MGMT: variants seen among roughly 807,000 people sequenced by gnomAD.
MGMT encodes methylated-DNA--protein-cysteine methyltransferase.
A neutral mutation model predicts 15.9 loss-of-function variants in MGMT; 14 were observed. The observed-to-expected ratio is 0.88, with a 90% CI of 0.58 to 1.37. The LOEUF is 1.37. MGMT is among the 40% of genes most tolerant of loss of function. The pLI is 0.00. For missense variants in MGMT, 282 were observed against 268.1 expected (o/e 1.05, Z -0.36); for synonymous variants, 130 against 118.2 (o/e 1.10, Z -0.65).
chr10:129,507,535 G>A (rs1845638175), intron 1 of MGMT, among the ~76,000 whole-genome samples: 1 of 152,144 alleles, frequency 6.6e-6, no homozygotes, highest in Admixed American at 6.5e-5. Context: ...CTGCTGAATT[G>A]GGGACAGGGG....
At chr10:129,594,852 A>G (rs1238793714) in intron 2 of MGMT, among the ~76,000 whole-genome samples, 1 of 152,168 alleles carries the variant, frequency 6.6e-6, no homozygotes, top group African/African-American at 2.4e-5. Context: ...CTGACATGTA[A>G]TATTCCCCTG....
intron 1 of MGMT, among the ~76,000 whole-genome samples, chr10:129,492,832 C>G (rs1453314727): frequency 6.6e-6 from 1 of 152,180 alleles, no homozygotes; most frequent in Non-Finnish European, 1.5e-5. Context: ...TGGGCTGCCT[C>G]CATTAGTTCG....
At chr10:129,688,954 T>C (rs1847940967) in intron 2 of MGMT, among the ~76,000 whole-genome samples, 1 of 152,084 alleles carries the variant, frequency 6.6e-6, no homozygotes, top group African/African-American at 2.4e-5. Context: ...AATGTGTTCT[T>C]TTCTATCTTT....
intron 2 of MGMT, among the ~76,000 whole-genome samples, chr10:129,692,947 G>T (rs1172198186): frequency 6.6e-6 from 1 of 152,252 alleles, no homozygotes; most frequent in Non-Finnish European, 1.5e-5. Flanking sequence ...GGTAAGTTCT[G>T]TAGAGTGGAC....
At chr10:129,583,133 G>A (rs1846576611) in intron 2 of MGMT, among the ~76,000 whole-genome samples, 1 of 152,146 alleles carries the variant, frequency 6.6e-6, no homozygotes, top group Non-Finnish European at 1.5e-5. Flanking sequence ...CCTGAAATAA[G>A]CAACAAATAT....
intron 3 of MGMT, among the ~76,000 whole-genome samples, chr10:129,721,443 T>C (rs1174272323): frequency 1.3e-5 from 2 of 152,238 alleles, no homozygotes; most frequent in African/African-American, 4.8e-5. Flanking sequence ...TGGGGAACTA[T>C]AAGTTGAACA....
chr10:129,680,796 C>G (rs960651313), intron 2 of MGMT, among the ~76,000 whole-genome samples: 19 of 152,226 alleles, frequency 1.2e-4, no homozygotes, highest in African/African-American at 4.6e-4. Context: ...GTGCCTGTGG[C>G]CCCTTGTGCC....
chr10:129,501,497 T>A (rs891460587), intron 1 of MGMT, among the ~76,000 whole-genome samples: 4 of 152,222 alleles, frequency 2.6e-5, no homozygotes, highest in African/African-American at 9.6e-5. Context: ...CACAGAGATT[T>A]GTAATTGGTG....
chr10:129,732,284 C>T (rs1368973726), intron 3 of MGMT, among the ~76,000 whole-genome samples: 3 of 151,976 alleles, frequency 2.0e-5, no homozygotes, highest in East Asian at 1.9e-4. Flanking sequence ...AGGTATTTCT[C>T]CTAATGCTAT....
intron 2 of MGMT, among the ~76,000 whole-genome samples, chr10:129,638,451 A>AAAAAG (rs1847290157): frequency 6.7e-6 from 1 of 149,904 alleles, no homozygotes; most frequent in Non-Finnish European, 1.5e-5. Context: ...AAAAAGAAAA[A>AAAAAG]AAAAAGAAAA....
chr10:129,565,225 C>T (rs1298925949), intron 2 of MGMT, among the ~76,000 whole-genome samples: 1 of 151,754 alleles, frequency 6.6e-6, no homozygotes, highest in Non-Finnish European at 1.5e-5. Flanking sequence ...AGTGTAGTGT[C>T]ATTTCCTCGT....
chr10:129,632,803 C>T (rs956287182), intron 2 of MGMT, among the ~76,000 whole-genome samples: 1 of 132,496 alleles, frequency 7.5e-6, no homozygotes, highest in Non-Finnish European at 1.6e-5. Flanking sequence ...AAGTCAAGTT[C>T]GGAAGATTCT....
chr10:129,770,111 G>A lies in MGMT; in HGVS notation c.*3114G>A, dbSNP rs905725551. 3.9e-5 allele frequency among the ~76,000 whole-genome samples: 6 copies of A among 152,150 alleles called. No homozygotes were observed. Among genetic ancestry groups the A allele is most frequent in the African/African-American group, 9.7e-5 (4 of 41,434 alleles). ...TCTGCGACTTAAGCTTCTCTGGTGC[G>A]TCGCGCCCCACGTGCTTCTCCAGAA... On this transcript the variant is annotated 3_prime_UTR_variant, in exon 5 of 5. Coordinates refer to ENST00000651593, the MANE Select transcript of MGMT (RefSeq NM_002412.5).
chr10:129,509,039 CTT>C (rs1845654318), intron 1 of MGMT, among the ~76,000 whole-genome samples: 2 of 152,194 alleles, frequency 1.3e-5, no homozygotes, highest in Non-Finnish European at 2.9e-5. Flanking sequence ...GGAAGCGGCT[CTT>C]TTCTGCTGGG....
intron 1 of MGMT, among the ~76,000 whole-genome samples, chr10:129,524,765 T>C (rs11591926): frequency 6.6e-6 from 1 of 151,886 alleles, no homozygotes; most frequent in Non-Finnish European, 1.5e-5. Flanking sequence ...CTTATTTTTT[T>C]ATTTTTAGTA....
chr10:129,620,915 T>A (rs1432263613), intron 2 of MGMT, among the ~76,000 whole-genome samples: 3 of 152,214 alleles, frequency 2.0e-5, no homozygotes, highest in African/African-American at 7.2e-5. Context: ...TTTTTTGATT[T>A]CATTTTATAA....
intron 2 of MGMT, among the ~76,000 whole-genome samples, chr10:129,547,498 C>G (rs1345169589): frequency 6.6e-6 from 1 of 152,180 alleles, no homozygotes; most frequent in East Asian, 1.9e-4. Flanking sequence ...GAACATTGGT[C>G]CTTCTGCCGG....
intron 1 of MGMT, among the ~76,000 whole-genome samples, chr10:129,529,238 G>C (rs7070075): frequency 1 from 150,921 of 151,078 alleles, 75,383 homozygotes; most frequent in Middle Eastern, 1. Flanking sequence ...GGAAGTGTGG[G>C]CCTGCCGAAT....
chr10:129,672,077 A>G (rs1847730927), intron 2 of MGMT, among the ~76,000 whole-genome samples: 1 of 152,198 alleles, frequency 6.6e-6, no homozygotes. Context: ...TTATCAGTAC[A>G]CCATTGCCTT....
Sources: allele counts gnomAD v4.1 joint callset (sites outside exome capture counted in the v4.1 genomes callset), GRCh38; gene constraint gnomAD v4.1.1; transcripts MANE v1.5; gene names NCBI Gene and HGNC (gene_info 2026-07-23, HGNC 2026-07-21).